The following GNA14 variants were observed in gnomAD, a reference collection of about 807,000 sequenced individuals.
GNA14 encodes the protein G protein subunit alpha 14.
Under a neutral mutation model 42.0 loss-of-function variants are expected in GNA14, and 50 were observed. The ratio of observed to expected loss-of-function variants is 1.19; its 90% confidence interval spans 0.95 to 1.51. The LOEUF (loss-of-function observed/expected upper bound fraction) is 1.51. GNA14 is among the 40% of genes most tolerant of loss of function. The probability of loss-of-function intolerance (pLI) is 0.00; values close to 1 mark genes in which losing one functional copy is unlikely to be tolerated. For missense variants in GNA14, 473 were observed against 446.2 expected (o/e 1.06, Z -0.54); for synonymous variants, 173 against 163.1 (o/e 1.06, Z -0.46).
At chr9:77,511,252 G>A (rs1374464678) in intron 2 of GNA14, among the ~76,000 whole-genome samples, 1 of 152,036 alleles carries the variant, frequency 6.6e-6, no homozygotes, top group Non-Finnish European at 1.5e-5. Flanking sequence ...GGGTTACACA[G>A]CTAATTAGCC....
intron 2 of GNA14, among the ~76,000 whole-genome samples, chr9:77,503,653 ATT>A (rs10689125): frequency 2.1e-5 from 3 of 140,748 alleles, no homozygotes. Context: ...AAATTTCAGG[ATT>A]TTTTTTTTTT....
intron 1 of GNA14, among the ~76,000 whole-genome samples, chr9:77,551,956 G>A (rs945435451): frequency 5.9e-5 from 9 of 151,582 alleles, no homozygotes; most frequent in African/African-American, 1.4e-4. Context: ...CCTGGCCAAC[G>A]TGGTGAAATC....
intron 1 of GNA14, among the ~76,000 whole-genome samples, chr9:77,530,712 T>G (rs978655058): frequency 2.6e-5 from 4 of 152,168 alleles, no homozygotes; most frequent in African/African-American, 9.7e-5. Flanking sequence ...AAGTTCACAG[T>G]CACACACTGA....
At chr9:77,599,777 C>T (rs1004711465) in intron 1 of GNA14, among the ~76,000 whole-genome samples, 2 of 152,160 alleles carry the variant, frequency 1.3e-5, no homozygotes, top group Non-Finnish European at 1.5e-5. Context: ...ACATCCCTTC[C>T]GTTCTCCATC....
chr9:77,595,676 C>T (rs1823453756), intron 1 of GNA14, among the ~76,000 whole-genome samples: 1 of 152,174 alleles, frequency 6.6e-6, no homozygotes. Flanking sequence ...TCCTGCTACT[C>T]TCAACTAACC....
At chr9:77,510,493 C>A (rs1329842862) in intron 2 of GNA14, among the ~76,000 whole-genome samples, 1 of 152,134 alleles carries the variant, frequency 6.6e-6, no homozygotes, top group East Asian at 1.9e-4. Context: ...CGCCACCATG[C>A]CCGGCTAATT....
intron 1 of GNA14, among the ~76,000 whole-genome samples, chr9:77,560,507 G>A (rs990016927): frequency 9.9e-5 from 15 of 151,786 alleles, no homozygotes; most frequent in African/African-American, 3.6e-4. Context: ...GTAGAGATTG[G>A]GTTTTCCCAT....
intron 1 of GNA14, among the ~76,000 whole-genome samples, chr9:77,625,098 T>C (rs980809290): frequency 6.6e-6 from 1 of 151,492 alleles, no homozygotes; most frequent in Non-Finnish European, 1.5e-5. Flanking sequence ...GAACAAGAAC[T>C]TCGTGAAGCA....
At chr9:77,549,010 G>A (rs1837758509) in intron 1 of GNA14, among the ~76,000 whole-genome samples, 1 of 151,842 alleles carries the variant, frequency 6.6e-6, no homozygotes, top group South Asian at 2.1e-4. Flanking sequence ...CACAATCTAG[G>A]CCCACTGCAA....
chr9:77,510,934 A>C (rs1346813395), intron 2 of GNA14, among the ~76,000 whole-genome samples: 1 of 151,950 alleles, frequency 6.6e-6, no homozygotes, highest in African/African-American at 2.4e-5. Flanking sequence ...GTGGGGGAGG[A>C]GAGATGCTCT....
rs1425251693 is a variant in GNA14, at chr9:77,558,286, A to G, written c.125-29033T>C. On this transcript the variant is annotated intron_variant, in intron 1 of 6. Transcript: ENST00000341700. ...CAGCAAAACAGAACAGATAGATCAG[A>G]TAGATAGATAGACAGACAGACAGAC... Among the ~76,000 whole-genome samples, 4 of 99,084 alleles carry G rather than the reference A, an allele frequency of 4.0e-5. No individual in the cohort carries two copies. The East Asian group carries it at 1.1e-3, about 28-fold the overall frequency. The allele number at this position is 99,084 out of a possible 152,430, so 65.0% of individuals were successfully genotyped here.
At chr9:77,579,359 T>G (rs150822250) in intron 1 of GNA14, among the ~76,000 whole-genome samples, 430 of 152,122 alleles carry the variant, frequency 2.8e-3, no homozygotes, top group South Asian at 5.8e-3. Context: ...AGGGAAGGGG[T>G]TGCCTCAAGT....
chr9:77,617,162 G>C (rs150502609), intron 1 of GNA14, among the ~76,000 whole-genome samples: 1 of 151,850 alleles, frequency 6.6e-6, no homozygotes, highest in Admixed American at 6.6e-5. Flanking sequence ...GAGCCACTGC[G>C]CTCGGCCTCT....
intron 3 of GNA14, among the ~76,000 whole-genome samples, chr9:77,432,067 A>C (rs1587756387): frequency 6.8e-6 from 1 of 147,908 alleles, no homozygotes; most frequent in South Asian, 2.2e-4. Flanking sequence ...CCTGAGCTTA[A>C]AACATATTTT....
chr9:77,494,506 G>T (rs1836838774), intron 2 of GNA14, among the ~76,000 whole-genome samples: 1 of 152,076 alleles, frequency 6.6e-6, no homozygotes, highest in African/African-American at 2.4e-5. Flanking sequence ...AACTCACAAA[G>T]CATGTTAGTG....
chr9:77,534,772 C>G (rs1372588753), intron 1 of GNA14, among the ~76,000 whole-genome samples: 1 of 151,660 alleles, frequency 6.6e-6, no homozygotes, highest in Non-Finnish European at 1.5e-5. Flanking sequence ...CTTTTTTTTT[C>G]TCGTTTCCTG....
chr9:77,598,111 A>T lies in GNA14; in HGVS notation c.124+49559T>A, dbSNP rs368695455. ...ACCTCTTTCCTTTCATCTATACTAAAACCTTGCTGGTATGTTCCTTAGTCC... is the reference window on the plus strand; with the variant it reads ...ACCTCTTTCCTTTCATCTATACTAATACCTTGCTGGTATGTTCCTTAGTCC... On this transcript the variant is annotated intron_variant, in intron 1 of 6. Transcript: ENST00000341700. Among the ~76,000 whole-genome samples the T allele has an allele frequency of 6.5e-4, 99 of 152,188 alleles. 1 individual carries two copies. The highest frequency in any genetic ancestry group is 2.2e-3 in the African/African-American group (91 of 41,500).
intron 2 of GNA14, among the ~76,000 whole-genome samples, chr9:77,500,235 C>A (rs1267776472): frequency 6.6e-6 from 1 of 152,120 alleles, no homozygotes; most frequent in Non-Finnish European, 1.5e-5. Flanking sequence ...TCAGGCTGGT[C>A]TTGAACTTCT....
intron 1 of GNA14, among the ~76,000 whole-genome samples, chr9:77,583,247 G>A (rs143976265): frequency 4.3e-4 from 66 of 152,276 alleles, no homozygotes; most frequent in African/African-American, 1.5e-3. Flanking sequence ...CGGATATAAG[G>A]GGCTGGGAAC....
Sources: gnomAD v4.1 joint callset for allele counts (sites outside exome capture counted in the v4.1 genomes callset) on GRCh38, gnomAD v4.1.1 for gene constraint, MANE v1.5 for transcripts, NCBI Gene and HGNC (gene_info 2026-07-23, HGNC 2026-07-21) for gene names.